The following NKAIN3 variants were observed in gnomAD, a reference collection of about 807,000 sequenced individuals.
NKAIN3 encodes sodium/potassium-transporting ATPase subunit beta-1-interacting protein 3.
NKAIN3 carries 25 observed loss-of-function variants against 30.2 expected under a neutral mutation model. That is an observed-to-expected ratio of 0.83 (90% CI 0.60 to 1.16). The LOEUF is 1.16. Ranked by LOEUF, NKAIN3 falls within the 50% of genes most tolerant of loss-of-function variation. The pLI is 0.00. For missense variants in NKAIN3, 225 were observed against 254.1 expected (o/e 0.89, Z 0.78); for synonymous variants, 91 against 89.6 (o/e 1.02, Z -0.09).
intron 1 of NKAIN3, among the ~76,000 whole-genome samples, chr8:62,293,470 C>T (rs1813720337): frequency 6.6e-6 from 1 of 152,200 alleles, no homozygotes; most frequent in Non-Finnish European, 1.5e-5. Context: ...GGACCGTCAG[C>T]TGCAGGTCTG....
intron 1 of NKAIN3, among the ~76,000 whole-genome samples, chr8:62,343,155 C>G (rs1196630796): frequency 1.3e-5 from 2 of 152,030 alleles, no homozygotes; most frequent in African/African-American, 2.4e-5. Flanking sequence ...CAGAGTCTGA[C>G]TGACCATGTT....
At chr8:62,878,452 A>G (rs1200803921) in intron 4 of NKAIN3, among the ~76,000 whole-genome samples, 2 of 152,074 alleles carry the variant, frequency 1.3e-5, no homozygotes, top group Non-Finnish European at 2.9e-5. Context: ...CGGACCCTCA[A>G]TAAATACCTC....
At chr8:62,371,152 C>T (rs1393524339) in intron 1 of NKAIN3, among the ~76,000 whole-genome samples, 1 of 151,682 alleles carries the variant, frequency 6.6e-6, no homozygotes, top group Non-Finnish European at 1.5e-5. Flanking sequence ...TGTTTAATAC[C>T]CCTGCAAAGC....
chr8:62,387,035 A>G (rs968777998), intron 1 of NKAIN3, among the ~76,000 whole-genome samples: 7 of 152,186 alleles, frequency 4.6e-5, no homozygotes, highest in Non-Finnish European at 7.3e-5. Flanking sequence ...ACTATACTAT[A>G]GTGTTTTATT....
chr8:62,955,780 T>C (rs1456125399), intron 6 of NKAIN3, among the ~76,000 whole-genome samples: 4 of 152,178 alleles, frequency 2.6e-5, no homozygotes, highest in Non-Finnish European at 4.4e-5. Flanking sequence ...TCTCTGTGAA[T>C]CAAAAACACC....
chr8:62,370,502 C>A (rs1816873974), intron 1 of NKAIN3, among the ~76,000 whole-genome samples: 1 of 151,858 alleles, frequency 6.6e-6, no homozygotes, highest in South Asian at 2.1e-4. Context: ...CACATCTATG[C>A]ACACACACAT....
At chr8:62,580,906 T>TATATATATATATA (rs71974501) in intron 2 of NKAIN3, among the ~76,000 whole-genome samples, 1 of 112,274 alleles carries the variant, frequency 8.9e-6, no homozygotes, top group Non-Finnish European at 2.1e-5. Context: ...GCTAGGGTTT[T>TATATATATATATA]TATATATATA....
intron 1 of NKAIN3, among the ~76,000 whole-genome samples, chr8:62,345,628 T>TAC (rs1815974141): frequency 1.5e-5 from 2 of 137,156 alleles, no homozygotes; most frequent in South Asian, 2.1e-4. Context: ...CACATATATA[T>TAC]ACACATATAT....
At chr8:62,584,456 G>C (rs1042279763) in intron 2 of NKAIN3, among the ~76,000 whole-genome samples, 39 of 152,056 alleles carry the variant, frequency 2.6e-4, no homozygotes, top group African/African-American at 9.4e-4. Context: ...AAATGTTTTG[G>C]GTAAAGGACC....
intron 1 of NKAIN3, among the ~76,000 whole-genome samples, chr8:62,457,789 T>C (rs930749187): frequency 2.0e-5 from 3 of 152,212 alleles, no homozygotes. Flanking sequence ...AAAAAATAAC[T>C]TGGATTTGCC....
At chr8:62,505,235 A>C (rs924556053) in intron 1 of NKAIN3, among the ~76,000 whole-genome samples, 1 of 152,198 alleles carries the variant, frequency 6.6e-6, no homozygotes, top group Non-Finnish European at 1.5e-5. Flanking sequence ...TAATTCATTC[A>C]CTTCACAAAT....
At chr8:62,581,875 TCCTTCTACCCTTC>T (rs1810309548) in intron 2 of NKAIN3, among the ~76,000 whole-genome samples, 8 of 15,780 alleles carry the variant, frequency 5.1e-4, no homozygotes, top group African/African-American at 1.5e-3. Context: ...CTCACTCCCT[TCCTTCTACCCTTC>T]CTCCCTCCCT....
At chr8:62,933,157 TC>T (rs1279982192) in intron 5 of NKAIN3, among the ~76,000 whole-genome samples, 1 of 152,214 alleles carries the variant, frequency 6.6e-6, no homozygotes, top group Non-Finnish European at 1.5e-5. Context: ...AATTCAGTTT[TC>T]TTTGAACAGC....
At chr8:62,765,856 G>T (rs750222761) in intron 4 of NKAIN3, among the ~76,000 whole-genome samples, 1 of 151,680 alleles carries the variant, frequency 6.6e-6, no homozygotes, top group East Asian at 1.9e-4. Context: ...TTCAGTACAA[G>T]ACTTTCTATA....
chr8:62,766,291 T>C (rs4739006), intron 4 of NKAIN3, among the ~76,000 whole-genome samples: 26,556 of 152,148 alleles, frequency 0.17, 2,517 homozygotes, highest in East Asian at 0.29. Flanking sequence ...ATGTTATTAT[T>C]AGCTCCATTT....
intron 4 of NKAIN3, among the ~76,000 whole-genome samples, chr8:62,862,634 A>T (rs1441894495): frequency 6.6e-6 from 1 of 152,206 alleles, no homozygotes; most frequent in East Asian, 1.9e-4. Context: ...AAATAGATTC[A>T]ATAGTTTTTA....
chr8:62,755,249 G>A (rs1816412778), intron 4 of NKAIN3, among the ~76,000 whole-genome samples: 1 of 152,196 alleles, frequency 6.6e-6, no homozygotes, highest in South Asian at 2.1e-4. Flanking sequence ...CTGGTCATGT[G>A]AGAAAAGAGG....
At chr8:62,702,395 T>C (rs1201434298) in intron 3 of NKAIN3, among the ~76,000 whole-genome samples, 1 of 152,142 alleles carries the variant, frequency 6.6e-6, no homozygotes, top group African/African-American at 2.4e-5. Context: ...TCAAAGGCAT[T>C]GGAAAAATAT....
chr8:62,400,495 G>A (rs1467236134), intron 1 of NKAIN3, among the ~76,000 whole-genome samples: 11 of 152,078 alleles, frequency 7.2e-5, no homozygotes, highest in East Asian at 3.9e-4. Flanking sequence ...TCTAGAAATC[G>A]GATGTTTTGT....
Sources: allele counts gnomAD v4.1 joint callset (sites outside exome capture counted in the v4.1 genomes callset), GRCh38; gene constraint gnomAD v4.1.1; transcripts MANE v1.5; gene names NCBI Gene and HGNC (gene_info 2026-07-23, HGNC 2026-07-21).